EFNB1: variants seen among roughly 807,000 people sequenced by gnomAD.
The protein encoded by EFNB1 is ephrin B1.
Under a neutral mutation model 18.1 loss-of-function variants are expected in EFNB1, and 1 was observed. The ratio of observed to expected loss-of-function variants is 0.06; its 90% CI spans 0.02 to 0.26. The LOEUF (loss-of-function observed/expected upper bound fraction) is 0.26, where lower values mean the gene tolerates loss of function less well. Ranked by LOEUF, EFNB1 falls within the 10% of genes least tolerant of loss-of-function variation. EFNB1 has a pLI of 1.00. For missense variants in EFNB1, 221 were observed against 301.8 expected (o/e 0.73, Z 1.98); for synonymous variants, 131 against 127.5 (o/e 1.03, Z -0.19).
At chrX:68,830,926 A>G (rs1437013155) in intron 1 of EFNB1, among the ~76,000 whole-genome samples, 1 of 111,999 alleles carries the variant, frequency 8.9e-6, no homozygotes, top group African/African-American at 3.2e-5. Flanking sequence ...GCGGTGGCTC[A>G]GTGGTTTCTG....
chrX:68,829,142 C>T lies in EFNB1; in HGVS notation c.-635C>T, dbSNP rs2080436740. On this transcript the variant is annotated 5_prime_UTR_variant, in exon 1 of 5. Transcript: ENST00000204961. ...CTGCCGGGCTACCCGGCCGAGGCTT[C>T]GGGGGCGCAAACTAATGGGACTGGC... 1 of 113,680 alleles carries T rather than the reference C, an allele frequency of 8.8e-6. No homozygotes were observed. Among genetic ancestry groups the T allele is most frequent in the African/African-American group, 3.2e-5 (1 of 31,078 alleles). 9.4% of individuals were successfully genotyped at this position (113,680 alleles called of 1,213,427 possible). A position where few individuals can be genotyped will look rare whatever the true frequency, so the allele number is the denominator to read the frequency against.
intron 3 of EFNB1, 66 bp downstream of exon 3, chrX:68,839,822 C>A (rs1328809291): frequency 9.4e-6 from 11 of 1,172,957 alleles, no homozygotes; most frequent in Middle Eastern, 2.5e-4. Context: ...ATGTTCCTGG[C>A]TGGGTGCATG....
At position 68,839,651 on chromosome X, in the gene EFNB1, C is replaced by A. The variant is rs941492117; in HGVS notation, c.407-13C>A. ...CTCCTGACTTCTCTGACTTCTCTGG[C>A]CTCTTCCTGCAGCAACATCCAATGG... On this transcript the variant is annotated splice_polypyrimidine_tract_variant and intron_variant, in intron 2 of 4. Coordinates refer to ENST00000204961, the MANE Select transcript of EFNB1 (RefSeq NM_004429.5). 1.1e-5 allele frequency: 13 copies of A among 1,207,204 alleles called. No individual in the cohort carries two copies. The African/African-American group carries it at 2.3e-4, about 21-fold the overall frequency.
intron 1 of EFNB1, 151 bp downstream of exon 1, chrX:68,830,055 C>G: frequency 2.1e-5 from 10 of 483,996 alleles, no homozygotes; most frequent in East Asian, 8.3e-5. Context: ...TGCGGGCGGG[C>G]GGATGGAGCA....
chrX:68,839,701 G>A lies in EFNB1; in HGVS notation c.444G>A (p.Arg148=), dbSNP rs1274361238. 8.3e-7 allele frequency: 1 copy of A among 1,210,130 alleles called. No individual in the cohort carries two copies. Among genetic ancestry groups the A allele is most frequent in the East Asian group, 3.0e-5 (1 of 33,778 alleles). Residue 148 remains arginine, a synonymous_variant, in exon 3 of 5, where the codon CGG becomes CGA. Transcript: ENST00000204961. ...GAAGCCTGGAGGGGCTGGAAAACCG[G>A]GAGGGCGGTGTGTGCCGCACACGCA... ...SNGSLEGLEN[R]EGGVCRTRTM...
chrX:68,837,457 G>T (rs913236631), intron 1 of EFNB1, among the ~76,000 whole-genome samples: 12 of 112,326 alleles, frequency 1.1e-4, no homozygotes, highest in African/African-American at 3.6e-4. Context: ...CTCATCCAAG[G>T]TCACAGAGTT....
At chrX:68,836,877 T>C (rs955071717) in intron 1 of EFNB1, among the ~76,000 whole-genome samples, 2 of 111,100 alleles carry the variant, frequency 1.8e-5, no homozygotes, top group Non-Finnish European at 3.8e-5. Flanking sequence ...TTTTCACCTC[T>C]TCTTCTGTTT....
intron 1 of EFNB1, among the ~76,000 whole-genome samples, chrX:68,835,802 C>A (rs1354635413): frequency 3.6e-5 from 4 of 111,662 alleles, no homozygotes; most frequent in African/African-American, 1.3e-4. Flanking sequence ...CTCTTCTCCC[C>A]CCTCCTCCAT....
chrX:68,841,026 A>C lies in EFNB1; in HGVS notation c.*372A>C. On this transcript the variant is annotated 3_prime_UTR_variant, in exon 5 of 5. Coordinates refer to ENST00000204961, the MANE Select transcript of EFNB1 (RefSeq NM_004429.5). Reference sequence around the variant, plus strand: ...TTGTCCGCTATCATCACTGTTTTTAATGCTTTTGTGTTCATTTTTTAGCTG... The same window carrying C: ...TTGTCCGCTATCATCACTGTTTTTACTGCTTTTGTGTTCATTTTTTAGCTG... 2 of 221,727 alleles carry C rather than the reference A, an allele frequency of 9.0e-6. No homozygotes were observed. Among genetic ancestry groups the C allele is most frequent in the South Asian group, 1.5e-4 (1 of 6,798 alleles). The allele number at this position is 221,727 out of a possible 1,213,427, so 18.3% of individuals were successfully genotyped here.
At chrX:68,834,349 G>A (rs1012145855) in intron 1 of EFNB1, among the ~76,000 whole-genome samples, 1 of 112,458 alleles carries the variant, frequency 8.9e-6, no homozygotes, top group East Asian at 2.8e-4. Context: ...AGGAGGGGGG[G>A]TATTAAATTC....
chrX:68,839,362 T>C (rs1484629925), intron 2 of EFNB1, among the ~76,000 whole-genome samples: 3 of 112,241 alleles, frequency 2.7e-5, no homozygotes, highest in Non-Finnish European at 5.6e-5. Flanking sequence ...TCAGTCTATG[T>C]AGAAGCCCCC....
chrX:68,836,462 C>T (rs780522757), intron 1 of EFNB1, among the ~76,000 whole-genome samples: 1 of 112,328 alleles, frequency 8.9e-6, no homozygotes, highest in East Asian at 2.8e-4. Context: ...AAGATGGCAG[C>T]TCCCAATTTG....
At chrX:68,838,198 TG>T (rs2080467157) in intron 1 of EFNB1, among the ~76,000 whole-genome samples, 2 of 104,174 alleles carry the variant, frequency 1.9e-5, no homozygotes, top group African/African-American at 7.0e-5. Context: ...CACGTGTGTA[TG>T]GGTATAGGAG....
chrX:68,835,749 T>A (rs760955732), intron 1 of EFNB1, among the ~76,000 whole-genome samples: 22 of 112,117 alleles, frequency 2.0e-4, no homozygotes, highest in Non-Finnish European at 3.4e-4. Context: ...GTCTGTTCAC[T>A]GAGGTTGAAG....
chrX:68,840,790 C>T lies in EFNB1; in HGVS notation c.*136C>T, dbSNP rs556015483. On this transcript the variant is annotated 3_prime_UTR_variant, in exon 5 of 5. Transcript: ENST00000204961. ...TTGTAGTTTCTTGGCTTTTATAATC[C>T]CCCTTTTTCCCTGCCCCCTGGGCTT... 9.7e-4 allele frequency: 712 copies of T among 735,551 alleles called. 3 individuals are homozygous for T. The African/African-American group carries it at 0.013, about 14-fold the overall frequency. 60.6% of individuals were successfully genotyped at this position (735,551 alleles called of 1,213,427 possible). A position where few individuals can be genotyped will look rare whatever the true frequency, so the allele number is the denominator to read the frequency against.
At chrX:68,836,009 C>G (rs186977945) in intron 1 of EFNB1, among the ~76,000 whole-genome samples, 1 of 111,518 alleles carries the variant, frequency 9.0e-6, no homozygotes, top group East Asian at 2.8e-4. Flanking sequence ...TTTCCGTGCC[C>G]TCTATGTAGC....
At chrX:68,835,782 C>T (rs776793107) in intron 1 of EFNB1, among the ~76,000 whole-genome samples, 1 of 111,709 alleles carries the variant, frequency 9.0e-6, no homozygotes, top group East Asian at 2.8e-4. Flanking sequence ...GTTTTGGGGG[C>T]AATAGTTCTC....
rs1426300745 is a variant in EFNB1 at position 68,829,691 on chromosome X, C to T, written c.-86C>T. ...GCGGAGGATGGGCGCCTGAGCGGCT[C>T]CGAGCGCAGCGCGGCAGAGGAAGGC... is the stretch of plus-strand genomic sequence containing the variant. On this transcript the variant is annotated 5_prime_UTR_variant, in exon 1 of 5. Transcript: ENST00000204961. 3.5e-6 allele frequency: 4 copies of T among 1,152,343 alleles called. No homozygotes were observed. The African/African-American group carries it at 7.2e-5, about 21-fold the overall frequency. The allele number at this position is 1,152,343 out of a possible 1,213,427, so 95.0% of individuals were successfully genotyped here. A position where few individuals can be genotyped will look rare whatever the true frequency, so the allele number is the denominator to read the frequency against.
At chrX:68,836,292 T>C (rs763700835) in intron 1 of EFNB1, among the ~76,000 whole-genome samples, 3 of 111,869 alleles carry the variant, frequency 2.7e-5, no homozygotes, top group Non-Finnish European at 5.6e-5. Flanking sequence ...CTAGAGGCTT[T>C]GGGGAAACTT....
Sources: gnomAD v4.1 joint callset for allele counts (sites outside exome capture counted in the v4.1 genomes callset) on GRCh38, gnomAD v4.1.1 for gene constraint, MANE v1.5 for transcripts, NCBI Gene and HGNC (gene_info 2026-07-23, HGNC 2026-07-21) for gene names.